Variants in USH2A observed in about 807,000 individuals in gnomAD.
The protein encoded by USH2A is usherin.
USH2A carries 443 observed loss-of-function variants against 538.9 expected under a neutral mutation model. The observed-to-expected ratio is 0.82, with a 90% confidence interval of 0.76 to 0.89. The LOEUF (loss-of-function observed/expected upper bound fraction) is 0.89, where lower values mean the gene tolerates loss of function less well. USH2A is among the 40% of genes least tolerant of loss of function. USH2A has a pLI of 0.00. For missense variants in USH2A, 6,633 were observed against 6,324.8 expected (o/e 1.05, Z -1.65); for synonymous variants, 2,413 against 2,273.5 (o/e 1.06, Z -1.75).
rs1278099426 is a variant in USH2A, at chr1:216,198,355, A to T, written c.4041T>A (p.Ser1347Arg). The T allele has an allele frequency of 6.2e-7, 1 of 1,614,012 alleles. No individual in the cohort carries two copies. Residue 1347 changes from serine (S) to arginine (R), a missense_variant, in exon 18 of 72, where the codon AGT becomes AGA. Transcript: ENST00000307340. ...TTTCTGAGACCCAGGCAGAAGACAC[A>T]CTTCCAGCCATATTCACAGCTAAGA... The part of the protein sequence containing the change: ...FRVLAVNMAG[S>R]VSSAWVSERT...
Position 215,647,805 on chromosome 1 carries a change from T to C in USH2A, c.14583-75A>G, listed in dbSNP as rs1247907396. 9.1e-6 allele frequency: 14 copies of C among 1,543,370 alleles called. No homozygotes were observed. In the East Asian group the frequency reaches 2.3e-4, roughly 25 times the overall value. Reference sequence around the variant, plus strand: ...TAACTCTCTCTTTTAAAACCAGTTCTATTTTGTGAGGAGACATTTTGTTTT... The same window carrying C: ...TAACTCTCTCTTTTAAAACCAGTTCCATTTTGTGAGGAGACATTTTGTTTT... On this transcript the variant is annotated intron_variant, in intron 66 of 71. Transcript: ENST00000307340.
At chr1:215,894,779 TACTC>T (rs1167081828) in intron 40 of USH2A, among the ~76,000 whole-genome samples, 1 of 152,152 alleles carries the variant, frequency 6.6e-6, no homozygotes, top group Non-Finnish European at 1.5e-5. Context: ...CCTCGCCTCA[TACTC>T]AGAGGCTGGA....
intron 61 of USH2A, among the ~76,000 whole-genome samples, chr1:215,691,571 G>A (rs1658614183): frequency 6.6e-6 from 1 of 152,032 alleles, no homozygotes; most frequent in African/African-American, 2.4e-5. Flanking sequence ...TCTCCTCCCT[G>A]TCTCCTCCCA....
At chr1:215,806,697 C>A (rs1214118942) in intron 49 of USH2A, among the ~76,000 whole-genome samples, 1 of 152,084 alleles carries the variant, frequency 6.6e-6, no homozygotes, top group Non-Finnish European at 1.5e-5. Context: ...ACTGTTCACT[C>A]TATCAAAATG....
chr1:215,954,277 T>C (rs78403382), intron 37 of USH2A, among the ~76,000 whole-genome samples: 21,658 of 151,838 alleles, frequency 0.14, 1,690 homozygotes, highest in African/African-American at 0.2. Flanking sequence ...ATGTTTATTG[T>C]GGCACTATTC....
chr1:215,704,496 T>C (rs1429510319), intron 61 of USH2A, among the ~76,000 whole-genome samples: 1 of 152,182 alleles, frequency 6.6e-6, no homozygotes, highest in Non-Finnish European at 1.5e-5. Flanking sequence ...CTAACTTTCC[T>C]AATTTAAAAG....
Position 215,648,564 on chromosome 1 carries a change from C to G in USH2A, c.14546G>C (p.Trp4849Ser). 3 of 1,614,198 alleles carry G rather than the reference C, an allele frequency of 1.9e-6. No individual in the cohort carries two copies. The highest frequency in any genetic ancestry group is 1.7e-6 in the Non-Finnish European group (2 of 1,180,038). ...ACCATTGGGGAACATGGGGGGACTC[C>G]ACCGGAAGGAGGCCGTCCTTGAGGC... ...TLASRTASFRWSPPMFPNGVI... is the reference protein window; with the variant it reads ...TLASRTASFRSSPPMFPNGVI... The change falls in exon 66 of 72, where the codon TGG becomes TCG. Residue 4849 changes from tryptophan (W) to serine (S), a missense_variant. Coordinates refer to ENST00000307340, the MANE Select transcript of USH2A (RefSeq NM_206933.4).
chr1:215,811,762 C>T (rs539556171), intron 49 of USH2A, among the ~76,000 whole-genome samples: 50 of 151,476 alleles, frequency 3.3e-4, no homozygotes, highest in Non-Finnish European at 4.4e-4. Context: ...CAAAATTAGC[C>T]GGGTGTGGTG....
intron 20 of USH2A, among the ~76,000 whole-genome samples, chr1:216,183,598 T>G (rs1394952950): frequency 6.6e-6 from 1 of 151,954 alleles, no homozygotes; most frequent in Non-Finnish European, 1.5e-5. Context: ...CCCGTCACAT[T>G]CTAGTATATC....
intron 9 of USH2A, among the ~76,000 whole-genome samples, chr1:216,311,468 C>T (rs984895243): frequency 6.6e-6 from 1 of 152,150 alleles, no homozygotes; most frequent in Non-Finnish European, 1.5e-5. Flanking sequence ...TTCTCATTTC[C>T]TTATGGCCCT....
intron 9 of USH2A, among the ~76,000 whole-genome samples, chr1:216,312,535 A>G (rs2037441015): frequency 6.6e-6 from 1 of 152,054 alleles, no homozygotes; most frequent in Non-Finnish European, 1.5e-5. Context: ...ACACATCTTC[A>G]AACTCAGATT....
Position 215,639,171 on chromosome 1 carries a change from A to T in USH2A, c.15036T>A (p.Asp5012Glu). The T allele has an allele frequency of 6.2e-7, 1 of 1,614,124 alleles. No individual in the cohort carries two copies. The highest frequency in any genetic ancestry group is 1.6e-4 in the Middle Eastern group (1 of 6,062). The change falls in exon 69 of 72, where the codon GAT (aspartate) becomes GAA (glutamate). Residue 5012 changes from aspartate (D) to glutamate (E), a missense_variant. Physicochemically the swap from Asp to Glu is conservative, Grantham distance 45. Coordinates refer to ENST00000307340, the MANE Select transcript of USH2A (RefSeq NM_206933.4). ...GSVKTPLIQY[D>E]TSTGLGLVLT... ...GTTGTTTACCAAGTCCAGTAGAGGT[A>T]TCATATTGGATCAACGGCGTCTTAA...
intron 32 of USH2A, among the ~76,000 whole-genome samples, chr1:216,030,323 T>C (rs1669080617): frequency 7.3e-6 from 1 of 136,596 alleles, no homozygotes; most frequent in Non-Finnish European, 1.5e-5. Context: ...ATCACAGATA[T>C]ATAATATATA....
intron 16 of USH2A, among the ~76,000 whole-genome samples, chr1:216,200,573 AC>A (rs1197010939): frequency 6.6e-6 from 1 of 152,202 alleles, no homozygotes; most frequent in Non-Finnish European, 1.5e-5. Context: ...TTATTTTCTG[AC>A]CTACAGAAAT....
intron 21 of USH2A, among the ~76,000 whole-genome samples, chr1:216,110,441 A>G (rs1018423214): frequency 3.9e-5 from 6 of 152,258 alleles, no homozygotes; most frequent in Non-Finnish European, 8.8e-5. Flanking sequence ...GCCTACATTA[A>G]AACATAAAAC....
chr1:216,166,287 G>A (rs1385750969), intron 21 of USH2A, among the ~76,000 whole-genome samples: 1 of 152,050 alleles, frequency 6.6e-6, no homozygotes, highest in Non-Finnish European at 1.5e-5. Context: ...TGTTCAAAGA[G>A]ATGGGCATCT....
intron 55 of USH2A, among the ~76,000 whole-genome samples, 189 bp downstream of exon 55, chr1:215,779,654 G>A (rs1661564230): frequency 6.6e-6 from 1 of 152,200 alleles, no homozygotes. Context: ...GTTATCTGCT[G>A]TTGTGGCGTA....
chr1:215,687,864 G>A (rs1161926108), intron 61 of USH2A, among the ~76,000 whole-genome samples: 1 of 152,098 alleles, frequency 6.6e-6, no homozygotes, highest in East Asian at 1.9e-4. Context: ...CACTAGGCAT[G>A]CTCCTAATCT....
intron 32 of USH2A, among the ~76,000 whole-genome samples, chr1:216,007,795 G>A (rs1057321080): frequency 2.0e-5 from 3 of 152,352 alleles, no homozygotes; most frequent in African/African-American, 7.2e-5. Flanking sequence ...GACCCCAGAA[G>A]CTTTTACATA....
Sources: allele counts gnomAD v4.1 joint callset (sites outside exome capture counted in the v4.1 genomes callset), GRCh38; gene constraint gnomAD v4.1.1; transcripts MANE v1.5; gene names NCBI Gene and HGNC (gene_info 2026-07-23, HGNC 2026-07-21).